TANGO6: variants seen among roughly 807,000 people sequenced by gnomAD.
TANGO6 encodes the protein transport and Golgi organization protein 6 homolog.
Under a neutral mutation model 114.2 loss-of-function variants are expected in TANGO6, and 90 were observed. The ratio of observed to expected loss-of-function variants is 0.79; its 90% CI spans 0.66 to 0.94. The LOEUF (loss-of-function observed/expected upper bound fraction) is 0.94, where lower values mean the gene tolerates loss of function less well. TANGO6 is among the 40% of genes least tolerant of loss of function. TANGO6 has a pLI of 0.00. For synonymous variants in TANGO6, 477 were observed against 509.8 expected (o/e 0.94, Z 0.87); for missense variants, 1,274 against 1,315.3 (o/e 0.97, Z 0.49).
rs544015207 is a variant in TANGO6, at chr16:68,967,595, T to C, written c.2702-6433T>C. On this transcript the variant is annotated intron_variant, in intron 14 of 17. Coordinates refer to ENST00000261778, the MANE Select transcript of TANGO6 (RefSeq NM_024562.2). ...GTAACCACTAAATCTACTTTTCCTA[T>C]GTAGAGATTTGCCTATTCTGGACAT... Among the ~76,000 whole-genome samples, 48 of 152,336 alleles carry C rather than the reference T, an allele frequency of 3.2e-4. No homozygotes were observed. In the South Asian group the frequency reaches 7.7e-3, roughly 24 times the overall value.
intron 1 of TANGO6, among the ~76,000 whole-genome samples, chr16:68,847,576 T>C (rs1961832710): frequency 6.6e-6 from 1 of 152,200 alleles, no homozygotes; most frequent in Non-Finnish European, 1.5e-5. Context: ...ATTTAGAGGT[T>C]GGTTAGTGAT....
chr16:69,034,061 A>G (rs1210796507), intron 16 of TANGO6: 1 of 153,096 alleles, frequency 6.5e-6, no homozygotes, highest in Non-Finnish European at 1.5e-5. Flanking sequence ...TGGCCACATC[A>G]GTTTAAGTGT....
chr16:68,853,818 AC>A (rs1961941348), intron 1 of TANGO6, among the ~76,000 whole-genome samples: 1 of 152,036 alleles, frequency 6.6e-6, no homozygotes, highest in Admixed American at 6.6e-5. Flanking sequence ...GTAAATTTTA[AC>A]CATTCCAGTG....
At chr16:69,027,782 ATTT>A (rs34656903) in intron 16 of TANGO6, among the ~76,000 whole-genome samples, 2 of 139,820 alleles carry the variant, frequency 1.4e-5, no homozygotes. Flanking sequence ...ACCAAACCCA[ATTT>A]TTTTTTTTTT....
At chr16:69,079,383 A>C (rs1476957899) in intron 17 of TANGO6, among the ~76,000 whole-genome samples, 1 of 151,684 alleles carries the variant, frequency 6.6e-6, no homozygotes, top group Non-Finnish European at 1.5e-5. Context: ...GAAACCGCAT[A>C]GTATAATGGC....
chr16:68,957,041 A>C (rs960718181), intron 14 of TANGO6, among the ~76,000 whole-genome samples: 5 of 152,168 alleles, frequency 3.3e-5, no homozygotes, highest in Admixed American at 6.5e-5. Context: ...CTCCTATGGA[A>C]GAAGGCCCCT....
chr16:68,922,605 C>T (rs139004059), intron 12 of TANGO6, among the ~76,000 whole-genome samples: 1 of 151,972 alleles, frequency 6.6e-6, no homozygotes, highest in East Asian at 1.9e-4. Flanking sequence ...GTTCCAGGCT[C>T]ATTTTCTAAA....
intron 4 of TANGO6, among the ~76,000 whole-genome samples, chr16:68,873,250 A>G (rs1281475995): frequency 6.6e-6 from 1 of 152,040 alleles, no homozygotes; most frequent in Non-Finnish European, 1.5e-5. Flanking sequence ...CATACAATAC[A>G]TGGTCTTTGT....
chr16:68,882,557 C>T (rs150504888), intron 7 of TANGO6, among the ~76,000 whole-genome samples: 72 of 151,756 alleles, frequency 4.7e-4, no homozygotes, highest in African/African-American at 1.6e-3. Context: ...GTAGGTAGGA[C>T]AGGGAGCAAT....
intron 16 of TANGO6, among the ~76,000 whole-genome samples, chr16:69,037,402 G>A (rs777816456): frequency 6.6e-6 from 1 of 152,190 alleles, no homozygotes; most frequent in Non-Finnish European, 1.5e-5. Flanking sequence ...GCTAAACGTA[G>A]AGGGGAGCAA....
chr16:69,004,347 TTTC>T (rs1211923890), intron 15 of TANGO6, among the ~76,000 whole-genome samples: 2 of 151,068 alleles, frequency 1.3e-5, no homozygotes, highest in Non-Finnish European at 2.9e-5. Context: ...ATCCAAATTA[TTTC>T]TTTTCTTTTT....
chr16:69,077,160 G>C (rs928349674), intron 17 of TANGO6, among the ~76,000 whole-genome samples: 3 of 151,858 alleles, frequency 2.0e-5, no homozygotes, highest in Non-Finnish European at 2.9e-5. Flanking sequence ...TCCAGCCTTA[G>C]CCTCCAAGCC....
intron 7 of TANGO6, among the ~76,000 whole-genome samples, chr16:68,884,315 T>C (rs1179910470): frequency 6.6e-6 from 1 of 152,194 alleles, no homozygotes; most frequent in Non-Finnish European, 1.5e-5. Flanking sequence ...CACACAAATA[T>C]GGAATCAGAT....
chr16:68,900,569 T>A (rs1962769197), intron 8 of TANGO6, 23 bp downstream of exon 8: 2 of 1,543,370 alleles, frequency 1.3e-6, no homozygotes, highest in Non-Finnish European at 1.8e-6. Flanking sequence ...GGGACCCTTA[T>A]TTGTTTATAA....
chr16:68,915,193 G>T (rs910511343), intron 11 of TANGO6, among the ~76,000 whole-genome samples: 23 of 146,196 alleles, frequency 1.6e-4, no homozygotes, highest in African/African-American at 5.8e-4. Flanking sequence ...AAAAAAAAAA[G>T]TGGAGAGGAA....
intron 12 of TANGO6, among the ~76,000 whole-genome samples, chr16:68,922,765 A>C (rs1963112834): frequency 6.6e-6 from 1 of 152,060 alleles, no homozygotes; most frequent in South Asian, 2.1e-4. Context: ...AGGAAAAACC[A>C]AAACCATGTT....
intron 17 of TANGO6, among the ~76,000 whole-genome samples, chr16:69,060,236 T>C (rs1395731348): frequency 1.3e-5 from 2 of 152,166 alleles, no homozygotes; most frequent in East Asian, 3.8e-4. Context: ...CAGGTTGCTC[T>C]TGAACTCCTG....
At chr16:68,870,690 C>T (rs761142860) in intron 4 of TANGO6, among the ~76,000 whole-genome samples, 16 of 152,084 alleles carry the variant, frequency 1.1e-4, no homozygotes, top group Non-Finnish European at 2.1e-4. Flanking sequence ...GCATATTTGC[C>T]ATTTCTGGTG....
intron 17 of TANGO6, among the ~76,000 whole-genome samples, chr16:69,063,627 G>C (rs1424874109): frequency 7.4e-6 from 1 of 134,628 alleles, no homozygotes; most frequent in Non-Finnish European, 1.6e-5. Flanking sequence ...CAAAGGCTGC[G>C]GTGAGACTCC....
Sources: allele counts gnomAD v4.1 joint callset (sites outside exome capture counted in the v4.1 genomes callset), GRCh38; gene constraint gnomAD v4.1.1; transcripts MANE v1.5; gene names NCBI Gene and HGNC (gene_info 2026-07-23, HGNC 2026-07-21).